Variants in NMNAT3 observed in about 807,000 individuals in gnomAD.
NMNAT3 encodes the protein nicotinamide nucleotide adenylyltransferase 3.
In NMNAT3, 21 loss-of-function variants were observed where a neutral mutation model predicts 24.8. The observed-to-expected ratio is 0.85, with a 90% CI of 0.60 to 1.22. The LOEUF is 1.22. NMNAT3 is among the 50% of genes most tolerant of loss of function. The pLI is 0.00. For missense variants in NMNAT3, 387 were observed against 436.6 expected (o/e 0.89, Z 1.01); for synonymous variants, 136 against 155.2 (o/e 0.88, Z 0.92).
At chr3:139,661,914 A>C (rs2057427672) in intron 1 of NMNAT3, among the ~76,000 whole-genome samples, 1 of 152,214 alleles carries the variant, frequency 6.6e-6, no homozygotes, top group African/African-American at 2.4e-5. Context: ...ACAGTTAACA[A>C]AAATTCCTTG....
intron 6 of NMNAT3, chr3:139,570,596 G>C (rs550585841): frequency 6.6e-6 from 1 of 152,436 alleles, no homozygotes; most frequent in Admixed American, 6.5e-5. Flanking sequence ...GCTGGAGTTT[G>C]CTAGAGGTCC....
intron 2 of NMNAT3, among the ~76,000 whole-genome samples, chr3:139,633,328 G>T (rs115814956): frequency 6.6e-6 from 1 of 151,998 alleles, no homozygotes; most frequent in Non-Finnish European, 1.5e-5. Context: ...TTACAGGCAC[G>T]TCCCACTGTG....
intron 3 of NMNAT3, among the ~76,000 whole-genome samples, chr3:139,590,801 A>G (rs1387836926): frequency 1.3e-5 from 2 of 152,204 alleles, no homozygotes; most frequent in Non-Finnish European, 2.9e-5. Flanking sequence ...GTATTTTTTT[A>G]TACTTTTCTT....
intron 3 of NMNAT3, among the ~76,000 whole-genome samples, chr3:139,601,730 T>C (rs2054726609): frequency 6.6e-6 from 1 of 151,714 alleles, no homozygotes; most frequent in Non-Finnish European, 1.5e-5. Flanking sequence ...CCCAAGGGAG[T>C]TGGACAGTCT....
chr3:139,671,188 A>G (rs756200935), intron 1 of NMNAT3, among the ~76,000 whole-genome samples: 2 of 152,220 alleles, frequency 1.3e-5, no homozygotes, highest in Admixed American at 6.5e-5. Context: ...TCCCTTTTTC[A>G]TATGTAACTC....
intron 5 of NMNAT3, among the ~76,000 whole-genome samples, chr3:139,574,599 G>A (rs536864929): frequency 6.6e-6 from 1 of 152,110 alleles, no homozygotes; most frequent in East Asian, 1.9e-4. Context: ...TACTAGAACT[G>A]TATTTAGGGG....
chr3:139,657,841 TGTG>T (rs1041695238), intron 1 of NMNAT3, among the ~76,000 whole-genome samples: 2 of 150,890 alleles, frequency 1.3e-5, no homozygotes, highest in East Asian at 2.0e-4. Context: ...GTGGGTGTGG[TGTG>T]GTGGTGCTGT....
At chr3:139,613,777 C>G (rs1390406315) in intron 3 of NMNAT3, among the ~76,000 whole-genome samples, 1 of 152,112 alleles carries the variant, frequency 6.6e-6, no homozygotes, top group Non-Finnish European at 1.5e-5. Flanking sequence ...AAATGTGGCA[C>G]ATATACACCA....
chr3:139,662,329 C>T (rs903914399), intron 1 of NMNAT3, among the ~76,000 whole-genome samples: 2 of 152,112 alleles, frequency 1.3e-5, no homozygotes, highest in Non-Finnish European at 1.5e-5. Context: ...ATCAGTCAAA[C>T]AGCTTGACCT....
intron 5 of NMNAT3, among the ~76,000 whole-genome samples, chr3:139,574,073 T>C (rs1426439404): frequency 1.2e-4 from 18 of 152,210 alleles, no homozygotes; most frequent in Admixed American, 1.2e-3. Context: ...GAAGCAGGGA[T>C]AACAACACCT....
intron 1 of NMNAT3, among the ~76,000 whole-genome samples, chr3:139,676,731 A>C (rs1017818236): frequency 6.6e-6 from 1 of 152,222 alleles, no homozygotes; most frequent in African/African-American, 2.4e-5. Flanking sequence ...AAGAATGAAC[A>C]ACTAAACCAG....
Position 139,616,806 on chromosome 3 carries a change from G to A in NMNAT3, c.109+10810C>T, listed in dbSNP as rs143788861. On this transcript the variant is annotated intron_variant, in intron 3 of 6. Transcript: ENST00000643695. The stretch of plus-strand genomic sequence containing the variant: ...TGTGTGTATGTGCTGCAGGGTGGAC[G>A]CATATATTCTCATCCTCTCACAGCT... Among the ~76,000 whole-genome samples the A allele has an allele frequency of 9.2e-5, 14 of 152,156 alleles. No individual in the cohort carries two copies. In the East Asian group the frequency reaches 1.9e-3, roughly 21 times the overall value.
chr3:139,643,765 CTT>C (rs1233161498), intron 1 of NMNAT3, among the ~76,000 whole-genome samples: 1 of 152,136 alleles, frequency 6.6e-6, no homozygotes, highest in African/African-American at 2.4e-5. Flanking sequence ...TAGGTATAGA[CTT>C]TTAGTTTTGC....
intron 1 of NMNAT3, among the ~76,000 whole-genome samples, chr3:139,668,756 G>A (rs556023907): frequency 4.9e-4 from 74 of 152,338 alleles, no homozygotes; most frequent in Non-Finnish European, 6.6e-4. Flanking sequence ...AGCTGGCTGC[G>A]TAGAGAACTT....
chr3:139,564,537 T>C (rs1936885133), intron 6 of NMNAT3, among the ~76,000 whole-genome samples: 1 of 152,128 alleles, frequency 6.6e-6, no homozygotes, highest in East Asian at 1.9e-4. Context: ...GCATCATCCA[T>C]CCCAAAGTGT....
intron 3 of NMNAT3, among the ~76,000 whole-genome samples, chr3:139,621,676 T>G (rs1003053953): frequency 6.6e-6 from 1 of 152,194 alleles, no homozygotes; most frequent in Non-Finnish European, 1.5e-5. Context: ...CTGGCCAGAA[T>G]TTTTTCCTTC....
Position 139,582,939 on chromosome 3 carries a change from C to T in NMNAT3, c.379G>A (p.Glu127Lys), listed in dbSNP as rs189711496. Residue 127 changes from glutamate to lysine, a missense_variant, in exon 4 of 7, where the codon GAG becomes AAG. Physicochemically the swap from Glu to Lys is moderately conservative, Grantham distance 56. Coordinates refer to ENST00000643695, the MANE Select transcript of NMNAT3 (RefSeq NM_001320510.2). The stretch of plus-strand genomic sequence containing the variant: ...ATATATTTTTTACCTTGAAGTCGCT[C>T]ATCAGTGAATATTTTGTTTGTTTGG... The T allele has an allele frequency of 2.0e-4, 299 of 1,492,800 alleles. 3 individuals are homozygous for T. In the Admixed American group the frequency reaches 6.6e-3, roughly 33 times the overall value. 92.5% of individuals were successfully genotyped at this position (1,492,800 alleles called of 1,614,324 possible).
At chr3:139,579,467 T>G (rs1939844665) in intron 4 of NMNAT3, among the ~76,000 whole-genome samples, 1 of 152,168 alleles carries the variant, frequency 6.6e-6, no homozygotes, top group African/African-American at 2.4e-5. Context: ...ATATAGTTTC[T>G]TAGCCCAAAT....
chr3:139,651,463 G>A (rs1488225196), intron 1 of NMNAT3, among the ~76,000 whole-genome samples: 2 of 152,196 alleles, frequency 1.3e-5, no homozygotes, highest in Non-Finnish European at 2.9e-5. Flanking sequence ...AGGTTATTCT[G>A]AGAGGGGAAG....
Sources: gnomAD v4.1 joint callset for allele counts (sites outside exome capture counted in the v4.1 genomes callset) on GRCh38, gnomAD v4.1.1 for gene constraint, MANE v1.5 for transcripts, NCBI Gene and HGNC (gene_info 2026-07-23, HGNC 2026-07-21) for gene names.